Variants in SGCD observed in about 807,000 individuals in gnomAD.
SGCD encodes sarcoglycan delta, also known as delta-sarcoglycan.
In SGCD, 18 loss-of-function variants were observed where a neutral mutation model predicts 36.6. That is an observed-to-expected ratio of 0.49 (90% CI 0.34 to 0.73). The LOEUF (loss-of-function observed/expected upper bound fraction) is 0.73. SGCD is among the 30% of genes least tolerant of loss of function. The pLI is 0.01. For missense variants in SGCD, 387 were observed against 346.7 expected (o/e 1.12, Z -0.92); for synonymous variants, 133 against 130.6 (o/e 1.02, Z -0.12).
At chr5:156,239,383 G>A (rs1765247598) in intron 3 of SGCD, among the ~76,000 whole-genome samples, 1 of 114,442 alleles carries the variant, frequency 8.7e-6, no homozygotes, top group Non-Finnish European at 1.7e-5. Flanking sequence ...CTGGGCCACA[G>A]AGGAAGATTT....
At chr5:156,342,093 C>A (rs1435680853) in intron 2 of SGCD, among the ~76,000 whole-genome samples, 1 of 152,230 alleles carries the variant, frequency 6.6e-6, no homozygotes, top group East Asian at 1.9e-4. Flanking sequence ...AGAATCACTG[C>A]ATTCTGCCAA....
At chr5:156,373,108 A>G (rs896149863) in intron 3 of SGCD, among the ~76,000 whole-genome samples, 3 of 152,142 alleles carry the variant, frequency 2.0e-5, no homozygotes, top group African/African-American at 7.2e-5. Context: ...GTTGCTCATA[A>G]TTTAGCTGTC....
rs991582004 is a variant in SGCD, at chr5:156,767,580, G to A, written c.*8190G>A. The A allele has an allele frequency of 4.0e-5, 6 of 150,984 alleles. No homozygotes were observed. Among genetic ancestry groups the A allele is most frequent in the African/African-American group, 1.2e-4 (5 of 41,096 alleles). The allele number at this position is 150,984 out of a possible 1,614,324, so 9.4% of individuals were successfully genotyped here. ...GTTTTTCTCTGGTTTTGGGTGTGAT[G>A]TAAGAAGAGCTTTTTAGTTTTGTTT... On this transcript the variant is annotated 3_prime_UTR_variant, in exon 9 of 9. Coordinates refer to ENST00000337851, the MANE Select transcript of SGCD (RefSeq NM_000337.6).
chr5:156,730,636 T>C (rs1010118883), intron 7 of SGCD, among the ~76,000 whole-genome samples: 2 of 152,156 alleles, frequency 1.3e-5, no homozygotes, highest in African/African-American at 4.8e-5. Context: ...AATGGGCATT[T>C]AGGTTGATTC....
At chr5:155,868,360 CTTTTTTTT>C (rs10532701), upstream of SGCD, among the ~76,000 whole-genome samples, 3 of 110,716 alleles carry the variant, frequency 2.7e-5, no homozygotes, top group South Asian at 6.2e-4. Context: ...CCCTTTTTTT[CTTTTTTTT>C]TTTTTTTTTT....
chr5:155,922,521 C>G (rs890113340), intron 1 of SGCD, among the ~76,000 whole-genome samples: 2 of 152,114 alleles, frequency 1.3e-5, no homozygotes, highest in Non-Finnish European at 2.9e-5. Flanking sequence ...GATTTTAAAA[C>G]TTTTTAAAAT....
chr5:156,714,639 C>T (rs894066879), intron 7 of SGCD, among the ~76,000 whole-genome samples: 2 of 152,166 alleles, frequency 1.3e-5, no homozygotes, highest in African/African-American at 4.8e-5. Context: ...GGACTTAGTA[C>T]CCGTGATTCC....
At chr5:156,729,664 A>C (rs1755959199) in intron 7 of SGCD, among the ~76,000 whole-genome samples, 1 of 152,156 alleles carries the variant, frequency 6.6e-6, no homozygotes, top group Non-Finnish European at 1.5e-5. Flanking sequence ...CTTTTATTTA[A>C]ATTACATTAT....
At chr5:155,792,433 C>CAAAAAAAAAAA in the SGCD span, among the ~76,000 whole-genome samples, 2 of 92,328 alleles carry the variant, frequency 2.2e-5, no homozygotes, top group African/African-American at 4.3e-5. Context: ...TTCTACATAG[C>CAAAAAAAAAAA]AAAAAAAAAA....
intron 1 of SGCD, among the ~76,000 whole-genome samples, chr5:155,907,868 C>T (rs1756551709): frequency 6.6e-6 from 1 of 152,116 alleles, no homozygotes; most frequent in East Asian, 1.9e-4. Context: ...GAAAGAAGTT[C>T]TACTGTTGGT....
chr5:156,126,146 A>G (rs573431932), intron 3 of SGCD, among the ~76,000 whole-genome samples: 35 of 152,014 alleles, frequency 2.3e-4, no homozygotes, highest in African/African-American at 8.4e-4. Flanking sequence ...CTCCCAAAGT[A>G]CTGGGATTAC....
At chr5:156,089,526 G>C (rs1002882358) in intron 1 of SGCD, among the ~76,000 whole-genome samples, 3 of 152,194 alleles carry the variant, frequency 2.0e-5, no homozygotes, top group African/African-American at 7.2e-5. Flanking sequence ...GGCTACCTCT[G>C]TAACTCTCTC....
chr5:155,791,366 TA>T, the SGCD span, among the ~76,000 whole-genome samples: 1 of 152,074 alleles, frequency 6.6e-6, no homozygotes, highest in African/African-American at 2.4e-5. Flanking sequence ...CAAGGATGCT[TA>T]CTCTCACCAC....
chr5:156,649,901 A>G (rs1264294066), intron 7 of SGCD, among the ~76,000 whole-genome samples: 1 of 152,138 alleles, frequency 6.6e-6, no homozygotes, highest in Admixed American at 6.5e-5. Context: ...TAAATACAGT[A>G]CAGATATTTT....
intron 3 of SGCD, among the ~76,000 whole-genome samples, chr5:156,468,505 G>A (rs1189223333): frequency 6.6e-6 from 1 of 152,062 alleles, no homozygotes; most frequent in East Asian, 1.9e-4. Context: ...TTATTGCTGG[G>A]TTAAATGACA....
At chr5:155,909,731 C>A (rs1756593162) in intron 1 of SGCD, among the ~76,000 whole-genome samples, 1 of 152,056 alleles carries the variant, frequency 6.6e-6, no homozygotes, top group Admixed American at 6.6e-5. Context: ...TTGAGTGCAT[C>A]TTTTGTAGTA....
intron 8 of SGCD, among the ~76,000 whole-genome samples, chr5:156,758,417 T>G (rs1757418344): frequency 6.6e-6 from 1 of 151,942 alleles, no homozygotes; most frequent in Admixed American, 6.6e-5. Context: ...AAAATGCTAT[T>G]CCACCTGACT....
At chr5:156,600,743 C>A (rs1452810857) in intron 6 of SGCD, among the ~76,000 whole-genome samples, 3 of 152,066 alleles carry the variant, frequency 2.0e-5, no homozygotes, top group Non-Finnish European at 2.9e-5. Flanking sequence ...ATTTGTAGAG[C>A]CTCCTTACTG....
chr5:156,272,850 C>T (rs1581210306), intron 3 of SGCD, among the ~76,000 whole-genome samples: 1 of 152,124 alleles, frequency 6.6e-6, no homozygotes, highest in African/African-American at 2.4e-5. Context: ...GAAAAAAACA[C>T]ATCGCCACAC....
Sources: gnomAD v4.1 joint callset for allele counts (sites outside exome capture counted in the v4.1 genomes callset) on GRCh38, gnomAD v4.1.1 for gene constraint, MANE v1.5 for transcripts, NCBI Gene and HGNC (gene_info 2026-07-23, HGNC 2026-07-21) for gene names.